The following SLC4A1AP variants were observed in gnomAD, a reference collection of about 807,000 sequenced individuals.
SLC4A1AP encodes the protein solute carrier family 4 member 1 adaptor protein, also known as kanadaptin.
In SLC4A1AP, 64 loss-of-function variants were observed where a neutral mutation model predicts 89.7. That is an observed-to-expected ratio of 0.71 (90% CI 0.58 to 0.88). SLC4A1AP has a LOEUF of 0.88. SLC4A1AP is among the 40% of genes least tolerant of loss of function. The pLI, the probability that SLC4A1AP is intolerant of heterozygous loss-of-function variation, is 0.00. For synonymous variants in SLC4A1AP, 366 were observed against 353.3 expected (o/e 1.04, Z -0.40); for missense variants, 931 against 965.0 (o/e 0.96, Z 0.47).
chr2:27,685,157 A>G, exon 10 of SLC4A1AP: 3 of 1,614,176 alleles, frequency 1.9e-6, no homozygotes, highest in Non-Finnish European at 2.5e-6. Flanking sequence ...GGAGCATGAA[A>G]AGAAAAAACT....
At chr2:27,663,893 T>C in exon 1 of SLC4A1AP, 1 of 1,613,994 alleles carries the variant, frequency 6.2e-7, no homozygotes, top group Non-Finnish European at 8.5e-7. Context: ...AGGAGCGGAT[T>C]TCGAAGTTGC....
chr2:27,677,369 GT>G lies in SLC4A1AP; in HGVS notation c.1576+10del. 1 of 1,596,486 alleles carries G rather than the reference GT, an allele frequency of 6.3e-7. No homozygotes were observed. The highest frequency in any genetic ancestry group is 8.6e-7 in the Non-Finnish European group (1 of 1,164,346). Reference sequence around the variant, plus strand: ...GATTGAAAGCCTCAAGCCAAGGTAAGTTTTTCATCAAATATTTATTAATATA... The same window carrying G: ...GATTGAAAGCCTCAAGCCAAGGTAAGTTTTCATCAAATATTTATTAATATA... On this transcript the variant is annotated splice_donor_region_variant and intron_variant, in intron 7 of 13. Transcript: ENST00000613058.
At position 27,664,588 on chromosome 2, in the gene SLC4A1AP, A is replaced by G; in HGVS notation, c.825+11A>G. ...CTCTTTATCCTGCAGGTAGGTAGAA[A>G]AACCTAGAATTGAAATTTCGGGTTC... is the stretch of plus-strand genomic sequence containing the variant. On this transcript the variant is annotated intron_variant, in intron 1 of 13. Transcript: ENST00000613058. 5.0e-6 allele frequency: 8 copies of G among 1,589,556 alleles called. No individual in the cohort carries two copies. Among genetic ancestry groups the G allele is most frequent in the Non-Finnish European group, 6.9e-6 (8 of 1,164,906 alleles).
rs1229308714 is a variant in SLC4A1AP, at chr2:27,685,297, TC to T, written c.2116+22del. 2.5e-6 allele frequency: 4 copies of T among 1,592,648 alleles called. No homozygotes were observed. The highest frequency in any genetic ancestry group is 2.7e-5 in the African/African-American group (2 of 73,526). On this transcript the variant is annotated intron_variant, in intron 10 of 13. Transcript: ENST00000613058. ...CCCATGGTAATATCTTTCTTCTCCT[TC>T]CTGTGTTGTTCAGTGGGCAGTTACA...
chr2:27,674,886 A>G (rs1675492614), intron 5 of SLC4A1AP, among the ~76,000 whole-genome samples: 1 of 151,756 alleles, frequency 6.6e-6, no homozygotes, highest in Non-Finnish European at 1.5e-5. Context: ...TAATTTTTGT[A>G]TTTTTAGTAG....
rs1456023523 is a variant in SLC4A1AP, at chr2:27,668,960, T to C, written c.1205+57T>C. On this transcript the variant is annotated intron_variant, in intron 4 of 13. Transcript: ENST00000613058. ...GGAAAATGGCCAATTTCAGGTTTAA[T>C]GTATGGTTATAGATAACAACCCAAA... is the stretch of plus-strand genomic sequence containing the variant. 1.1e-5 allele frequency: 17 copies of C among 1,489,252 alleles called. No homozygotes were observed. The East Asian group carries it at 3.4e-4, about 30-fold the overall frequency. The allele number at this position is 1,489,252 out of a possible 1,614,324, so 92.3% of individuals were successfully genotyped here.
intron 9 of SLC4A1AP, among the ~76,000 whole-genome samples, chr2:27,684,695 G>T (rs1375599613): frequency 1.3e-5 from 2 of 152,162 alleles, no homozygotes; most frequent in African/African-American, 4.8e-5. Flanking sequence ...TTCCTTAGAA[G>T]ATTTTGTAAT....
chr2:27,690,401 T>C (rs1205547927), intron 12 of SLC4A1AP, among the ~76,000 whole-genome samples: 6 of 152,138 alleles, frequency 3.9e-5, no homozygotes, highest in Non-Finnish European at 5.9e-5. Context: ...TGAGAACATA[T>C]GGTATTTGGT....
chr2:27,670,334 C>CA (rs369643198), intron 5 of SLC4A1AP, among the ~76,000 whole-genome samples: 1 of 151,654 alleles, frequency 6.6e-6, no homozygotes, highest in African/African-American at 2.4e-5. Flanking sequence ...TAATATGTAT[C>CA]AATACATTAA....
chr2:27,666,094 G>GA (rs1675314080), intron 2 of SLC4A1AP, among the ~76,000 whole-genome samples: 1 of 151,984 alleles, frequency 6.6e-6, no homozygotes, highest in Non-Finnish European at 1.5e-5. Context: ...GACTTAGTCT[G>GA]AAAAAAAGAA....
Position 27,688,032 on chromosome 2 carries a change from G to T in SLC4A1AP, c.2203+12G>T, listed in dbSNP as rs369419476. The T allele has an allele frequency of 6.2e-7, 1 of 1,610,350 alleles. No homozygotes were observed. The highest frequency in any genetic ancestry group is 8.5e-7 in the Non-Finnish European group (1 of 1,176,810). ...CGCAGGACCCTCAGGCAAGTAGTAC[G>T]GCAGCCTTCATTGCTGCTCTGCACA... On this transcript the variant is annotated intron_variant, in intron 11 of 13. Transcript: ENST00000613058.
chr2:27,676,072 T>C (rs1675516819), intron 6 of SLC4A1AP, among the ~76,000 whole-genome samples: 1 of 152,210 alleles, frequency 6.6e-6, no homozygotes, highest in African/African-American at 2.4e-5. Context: ...AGTATGGTAA[T>C]ATGTAGTCTG....
At chr2:27,671,294 C>T (rs909438689) in intron 5 of SLC4A1AP, among the ~76,000 whole-genome samples, 5 of 152,136 alleles carry the variant, frequency 3.3e-5, no homozygotes, top group African/African-American at 9.7e-5. Flanking sequence ...CGTTACCTGT[C>T]GACTCTGCTA....
chr2:27,668,430 G>A (rs1675369156), intron 3 of SLC4A1AP, among the ~76,000 whole-genome samples: 1 of 151,890 alleles, frequency 6.6e-6, no homozygotes, highest in Non-Finnish European at 1.5e-5. Flanking sequence ...GATTACAAGC[G>A]TGAGCCACCG....
At position 27,669,430 on chromosome 2, in the gene SLC4A1AP, AAAACTCAAC is replaced by A. The variant is rs780714289; in HGVS notation, c.1345+45_1345+53del. 10 of 1,460,186 alleles carry A rather than the reference AAAACTCAAC, an allele frequency of 6.8e-6. No homozygotes were observed. In the South Asian group the frequency reaches 1.5e-4, roughly 22 times the overall value. The allele number at this position is 1,460,186 out of a possible 1,614,324, so 90.5% of individuals were successfully genotyped here. ...CTTTTTTTCTAGATTTAAAAAAAGGAAAACTCAACACAAACGCTAATAAAACTTCTTTAT... is the reference window on the plus strand; with the variant it reads ...CTTTTTTTCTAGATTTAAAAAAAGGAACAAACGCTAATAAAACTTCTTTAT... On this transcript the variant is annotated intron_variant, in intron 5 of 13. Transcript: ENST00000613058.
chr2:27,664,396 A>C, exon 1 of SLC4A1AP: 1 of 1,614,216 alleles, frequency 6.2e-7, no homozygotes, highest in Admixed American at 1.7e-5. Flanking sequence ...GTGCTGCAGC[A>C]CAGGGCGTCC....
intron 6 of SLC4A1AP, among the ~76,000 whole-genome samples, chr2:27,676,899 G>A (rs1675533439): frequency 6.6e-6 from 1 of 151,262 alleles, no homozygotes; most frequent in Non-Finnish European, 1.5e-5. Context: ...CTAGCACTTT[G>A]AGAGGCTGAG....
At chr2:27,665,027 A>G (rs1181686354) in intron 1 of SLC4A1AP, 73 bp from the exon 2 acceptor site, 3 of 1,256,496 alleles carry the variant, frequency 2.4e-6, no homozygotes, top group Middle Eastern at 3.9e-4. Flanking sequence ...ACTGCACTCC[A>G]GTCCAGCCTA....
At chr2:27,664,534 A>G in exon 1 of SLC4A1AP, 2 of 1,613,902 alleles carry the variant, frequency 1.2e-6, no homozygotes, top group Non-Finnish European at 1.7e-6. Context: ...CACGTTGGGC[A>G]TGTTGTTCGC....
Sources: allele counts gnomAD v4.1 joint callset (sites outside exome capture counted in the v4.1 genomes callset), GRCh38; gene constraint gnomAD v4.1.1; transcripts MANE v1.5; gene names NCBI Gene and HGNC (gene_info 2026-07-23, HGNC 2026-07-21).